MGAT4C: variants seen among roughly 807,000 people sequenced by gnomAD.
MGAT4C encodes the protein MGAT4 family member C.
Under a neutral mutation model 40.1 loss-of-function variants are expected in MGAT4C, and 19 were observed. That is an observed-to-expected ratio of 0.47 (90% CI 0.33 to 0.70). The LOEUF (loss-of-function observed/expected upper bound fraction) is 0.70. Among genes scored for constraint, MGAT4C ranks in the 30% least tolerant of loss-of-function variants. The probability of loss-of-function intolerance (pLI) is 0.02; values close to 1 mark genes in which losing one functional copy is unlikely to be tolerated. For missense variants in MGAT4C, 491 were observed against 563.2 expected, an observed-to-expected ratio of 0.87 and a Z score of 1.30; for synonymous variants, 181 against 187.1, an observed-to-expected ratio of 0.97 and a Z score of 0.27.
chr12:86,820,249 T>A (rs190369256), intron 1 of MGAT4C, among the ~76,000 whole-genome samples: 19 of 150,958 alleles, frequency 1.3e-4, no homozygotes, highest in African/African-American at 4.6e-4. Flanking sequence ...AAAATTTGGA[T>A]CAATATTTCA....
chr12:86,447,515 T>C (rs7133027), intron 2 of MGAT4C, among the ~76,000 whole-genome samples: 247 of 152,334 alleles, frequency 1.6e-3, no homozygotes, highest in African/African-American at 5.8e-3. Flanking sequence ...TATTTACCAC[T>C]AAATAAAATC....
chr12:86,005,692 C>T (rs1315781182), intron 2 of MGAT4C, among the ~76,000 whole-genome samples: 2 of 152,096 alleles, frequency 1.3e-5, no homozygotes, highest in Admixed American at 1.3e-4. Context: ...GGCTGGACTT[C>T]TTAGCTTCAA....
intron 1 of MGAT4C, among the ~76,000 whole-genome samples, chr12:86,054,737 A>G (rs1893225049): frequency 6.6e-6 from 1 of 151,924 alleles, no homozygotes; most frequent in African/African-American, 2.4e-5. Flanking sequence ...AAATAAAACA[A>G]TGACAACAAA....
rs367610571 is a variant in MGAT4C, at chr12:86,810,298, G to C, written c.-262+28368C>G. On this transcript the variant is annotated intron_variant, in intron 1 of 7. Transcript: ENST00000548651. ...ATGTAGTCTACAAATGGTGAGTTTT[G>C]TCTTTTTTATTTTTCAATCTGTATT... Among the ~76,000 whole-genome samples the C allele has an allele frequency of 1.3e-4, 19 of 151,780 alleles. No homozygotes were observed. In the East Asian group the frequency reaches 2.7e-3, roughly 22 times the overall value.
intron 4 of MGAT4C, among the ~76,000 whole-genome samples, chr12:86,307,154 T>C (rs1566275655): frequency 6.6e-6 from 1 of 150,416 alleles, no homozygotes; most frequent in Non-Finnish European, 1.5e-5. Context: ...AACAGGTAAC[T>C]GTCAGTTAAG....
chr12:86,207,372 T>G (rs1007363030), intron 1 of MGAT4C, among the ~76,000 whole-genome samples: 2 of 152,118 alleles, frequency 1.3e-5, no homozygotes, highest in Non-Finnish European at 2.9e-5. Flanking sequence ...TCATTGCACC[T>G]ATCAACCTGT....
At chr12:86,771,800 T>C (rs1189015631) in intron 1 of MGAT4C, among the ~76,000 whole-genome samples, 1 of 151,864 alleles carries the variant, frequency 6.6e-6, no homozygotes, top group Non-Finnish European at 1.5e-5. Flanking sequence ...GAAACATTAC[T>C]GAAACTGGAG....
At chr12:86,008,775 T>G (rs906212336) in intron 2 of MGAT4C, among the ~76,000 whole-genome samples, 5 of 152,144 alleles carry the variant, frequency 3.3e-5, no homozygotes, top group African/African-American at 9.6e-5. Context: ...CTGAGGACAT[T>G]TGCTTCTATT....
chr12:86,238,556 C>A (rs1951647878), intron 1 of MGAT4C, among the ~76,000 whole-genome samples: 3 of 152,018 alleles, frequency 2.0e-5, no homozygotes. Flanking sequence ...ACTTGGACAA[C>A]ACAGATATAG....
At chr12:86,363,965 C>T (rs974551081) in intron 3 of MGAT4C, among the ~76,000 whole-genome samples, 5 of 76,998 alleles carry the variant, frequency 6.5e-5, no homozygotes. Context: ...CTCTCTCTCT[C>T]TCTCTCTCAC....
chr12:86,712,716 G>C (rs560600677), intron 2 of MGAT4C, among the ~76,000 whole-genome samples: 54 of 152,220 alleles, frequency 3.5e-4, no homozygotes, highest in Non-Finnish European at 6.9e-4. Flanking sequence ...GAATCGAGTA[G>C]CCAGGGTGCT....
intron 2 of MGAT4C, among the ~76,000 whole-genome samples, chr12:86,569,231 A>G (rs1021931951): frequency 4.6e-5 from 7 of 152,128 alleles, no homozygotes; most frequent in Non-Finnish European, 8.8e-5. Flanking sequence ...GAAAACATTA[A>G]ACAGATTAAA....
At chr12:86,705,514 GA>G (rs139159965) in intron 2 of MGAT4C, among the ~76,000 whole-genome samples, 3 of 150,838 alleles carry the variant, frequency 2.0e-5, no homozygotes, top group African/African-American at 4.9e-5. Flanking sequence ...CCCAGGTAAA[GA>G]AAAAAAATGG....
At chr12:86,601,616 A>G (rs975593622) in intron 2 of MGAT4C, among the ~76,000 whole-genome samples, 1 of 152,100 alleles carries the variant, frequency 6.6e-6, no homozygotes, top group Non-Finnish European at 1.5e-5. Context: ...CAGGACCCCC[A>G]GACTGCGGGA....
At chr12:86,110,268 C>CTATATATATAGACTA (rs1877039292) in intron 1 of MGAT4C, among the ~76,000 whole-genome samples, 5 of 22,304 alleles carry the variant, frequency 2.2e-4, no homozygotes, top group Non-Finnish European at 3.3e-4. Flanking sequence ...TATATATAGA[C>CTATATATATAGACTA]TATATATATA....
intron 2 of MGAT4C, among the ~76,000 whole-genome samples, chr12:86,596,837 C>T (rs1030312202): frequency 6.6e-6 from 1 of 152,128 alleles, no homozygotes; most frequent in African/African-American, 2.4e-5. Flanking sequence ...GATGATAAAT[C>T]CTAAGCCCTC....
intron 3 of MGAT4C, among the ~76,000 whole-genome samples, chr12:86,404,272 T>C (rs1473049870): frequency 1.3e-5 from 2 of 152,172 alleles, no homozygotes; most frequent in Non-Finnish European, 2.9e-5. Flanking sequence ...AGACACTAAA[T>C]TAATAAAGGC....
intron 4 of MGAT4C, among the ~76,000 whole-genome samples, chr12:86,263,709 T>G (rs117164764): frequency 0.012 from 1,860 of 152,312 alleles, 14 homozygotes; most frequent in Middle Eastern, 0.027. Context: ...GACTGCTGTA[T>G]GAAATTGTAG....
At chr12:86,065,958 A>C (rs1894498898) in intron 1 of MGAT4C, among the ~76,000 whole-genome samples, 1 of 152,216 alleles carries the variant, frequency 6.6e-6, no homozygotes. Flanking sequence ...TCCCATTCAC[A>C]ATTGCTACAA....
Sources: gnomAD v4.1 joint callset for allele counts (sites outside exome capture counted in the v4.1 genomes callset) on GRCh38, gnomAD v4.1.1 for gene constraint, MANE v1.5 for transcripts, NCBI Gene and HGNC (gene_info 2026-07-23, HGNC 2026-07-21) for gene names.